The following PPP2R1B variants were observed in gnomAD, a reference collection of about 807,000 sequenced individuals.
The protein encoded by PPP2R1B is serine/threonine-protein phosphatase 2A 65 kDa regulatory subunit A beta isoform.
In PPP2R1B, 58 loss-of-function variants were observed where a neutral mutation model predicts 72.7. The ratio of observed to expected loss-of-function variants is 0.80; its 90% CI spans 0.65 to 0.99. The LOEUF is 0.99. Among genes scored for constraint, PPP2R1B ranks in the 50% least tolerant of loss-of-function variants. PPP2R1B has a pLI of 0.00. For missense variants in PPP2R1B, 695 were observed against 733.6 expected, an observed-to-expected ratio of 0.95 and a Z score of 0.61; for synonymous variants, 256 against 264.6, an observed-to-expected ratio of 0.97 and a Z score of 0.32.
At chr11:111,731,216 T>TAGGAGGAGGGGAGGC (rs1161516761) in intron 15 of PPP2R1B, among the ~76,000 whole-genome samples, 5 of 151,846 alleles carry the variant, frequency 3.3e-5, no homozygotes, top group African/African-American at 1.2e-4. Context: ...CATGCCGCGG[T>TAGGAGGAGGGGAGGC]AGGAGGAGGG....
chr11:111,723,961 A>G (rs1943887119), downstream of PPP2R1B: 1 of 1,614,074 alleles, frequency 6.2e-7, no homozygotes, highest in Non-Finnish European at 8.5e-7. Flanking sequence ...CTGTGGATGG[A>G]GCCCAGCAGA....
downstream of PPP2R1B, chr11:111,735,234 C>T (rs912119100): frequency 2.0e-5 from 3 of 152,274 alleles, no homozygotes; most frequent in African/African-American, 7.2e-5. Flanking sequence ...CAGGCAGTGT[C>T]TGTAGCCATT....
At position 111,752,335 on chromosome 11, in the gene PPP2R1B, G is replaced by GC; in HGVS notation, c.1165-4dup. 6.2e-7 allele frequency: 1 copy of GC among 1,600,154 alleles called. No homozygotes were observed. Among genetic ancestry groups the GC allele is most frequent in the Non-Finnish European group, 8.5e-7 (1 of 1,172,812 alleles). On this transcript the variant is annotated splice_region_variant and splice_polypyrimidine_tract_variant and intron_variant, in intron 9 of 14. Transcript: ENST00000527614. ...ATATTCAAACGAACGTCAGGACACT[G>GC]CAAGTACACAAGCCCCAAAAGACCA...
Position 111,742,537 on chromosome 11 carries a change from TG to T in PPP2R1B, c.1682del (p.Pro561GlnfsTer3). On this transcript the variant is annotated frameshift_variant, in exon 13 of 15. Coordinates refer to ENST00000527614, the MANE Select transcript of PPP2R1B (RefSeq NM_002716.5). LOFTEE classifies it high-confidence loss of function. Reference protein sequence around the residue: ...NVAKSLQKIGPILDTNALQGE... With the variant: ...NVAKSLQKIGXILDTNALQGE... The stretch of plus-strand genomic sequence containing the variant: ...TAAAATCTTACTTGGTATCTAGAAT[TG>T]GTCCAATCTTTTGTAGAGATTTGGC... 6.2e-7 allele frequency: 1 copy of T among 1,613,370 alleles called. No individual in the cohort carries two copies. The highest frequency in any genetic ancestry group is 8.5e-7 in the Non-Finnish European group (1 of 1,179,778).
the PPP2R1B span, among the ~76,000 whole-genome samples, chr11:111,713,781 AC>A: frequency 6.6e-6 from 1 of 152,236 alleles, no homozygotes. Flanking sequence ...AGCGTGGCCA[AC>A]ATGGCGAAAC....
the PPP2R1B span, chr11:111,712,314 C>T: frequency 6.2e-7 from 1 of 1,614,202 alleles, no homozygotes; most frequent in East Asian, 2.2e-5. Flanking sequence ...TTTTCATTTC[C>T]AGCATCTGGC....
downstream of PPP2R1B, chr11:111,723,700 G>C (rs1943873462): frequency 6.2e-7 from 1 of 1,614,060 alleles, no homozygotes; most frequent in South Asian, 1.1e-5. Context: ...CCTCCGAGCA[G>C]ATGCAATACA....
chr11:111,734,205 C>T (rs968951005), downstream of PPP2R1B, among the ~76,000 whole-genome samples: 10 of 152,306 alleles, frequency 6.6e-5, no homozygotes, highest in Non-Finnish European at 1.5e-4. Context: ...CTTGCCTGCC[C>T]CAACACTAGG....
chr11:111,716,884 C>T, the PPP2R1B span, among the ~76,000 whole-genome samples: 1 of 152,132 alleles, frequency 6.6e-6, no homozygotes, highest in Admixed American at 6.5e-5. Context: ...ATCTATCCAT[C>T]TGACAAAGGT....
chr11:111,766,069 G>C (rs572154942), intron 1 of PPP2R1B, 179 bp downstream of exon 1: 6 of 640,124 alleles, frequency 9.4e-6, no homozygotes, highest in African/African-American at 9.1e-5. Flanking sequence ...AGGTACCCGG[G>C]AGGGTCGGGG....
At chr11:111,748,889 C>T (rs1421209556) in intron 10 of PPP2R1B, among the ~76,000 whole-genome samples, 7 of 152,052 alleles carry the variant, frequency 4.6e-5, no homozygotes, top group Non-Finnish European at 8.8e-5. Context: ...CTCTATTGCC[C>T]AGGCTGGAGT....
At chr11:111,701,375 GC>G in the PPP2R1B span, 1 of 1,538,456 alleles carries the variant, frequency 6.5e-7, no homozygotes. The surrounding 1 kb of genome is among the most constrained non-coding windows in gnomAD (Gnocchi z 4.2). Flanking sequence ...GATTTCAAGA[GC>G]CCTGGGGATG....
At chr11:111,702,291 A>G in the PPP2R1B span, among the ~76,000 whole-genome samples, 2 of 152,192 alleles carry the variant, frequency 1.3e-5, no homozygotes, top group African/African-American at 4.8e-5. Flanking sequence ...GGTTTAATTA[A>G]ATTAATCTGT....
chr11:111,739,300 C>T lies in PPP2R1B; in HGVS notation c.*2296G>A. Reference sequence around the variant, plus strand: ...TTACAGAGCTCCTAAAGCCTATATTCCAGTGAAATCAAGATAGGAGAACTT... The same window carrying T: ...TTACAGAGCTCCTAAAGCCTATATTTCAGTGAAATCAAGATAGGAGAACTT... On this transcript the variant is annotated 3_prime_UTR_variant, in exon 15 of 15. Coordinates refer to ENST00000527614, the MANE Select transcript of PPP2R1B (RefSeq NM_002716.5). 4.1e-6 allele frequency: 4 copies of T among 977,308 alleles called. No homozygotes were observed. Among genetic ancestry groups the T allele is most frequent in the Non-Finnish European group, 4.9e-6 (4 of 822,858 alleles). The allele number at this position is 977,308 out of a possible 1,614,324, so 60.5% of individuals were successfully genotyped here. A position where few individuals can be genotyped will look rare whatever the true frequency, so the allele number is the denominator to read the frequency against.
Position 111,738,296 on chromosome 11 carries a change from AG to A in PPP2R1B, c.*3299del, listed in dbSNP as rs755779998. The A allele has an allele frequency of 2.3e-5, 23 of 985,400 alleles. No individual in the cohort carries two copies. The highest frequency in any genetic ancestry group is 2.7e-5 in the Non-Finnish European group (22 of 830,008). The allele number at this position is 985,400 out of a possible 1,614,324, so 61.0% of individuals were successfully genotyped here. A position where few individuals can be genotyped will look rare whatever the true frequency, so the allele number is the denominator to read the frequency against. ...CGATAAGAGTGTCACCATTTTTAAA[AG>A]TCAGAGGAATTTAAGTAAAAGGCAA... On this transcript the variant is annotated 3_prime_UTR_variant, in exon 15 of 15. Transcript: ENST00000527614.
intron 9 of PPP2R1B, 110 bp downstream of exon 9, chr11:111,753,333 A>AT (rs1289368434): frequency 5.7e-6 from 8 of 1,395,556 alleles, no homozygotes; most frequent in East Asian, 4.8e-5. Context: ...ATAAGTTATG[A>AT]TTTTTTTATC....
At chr11:111,754,603 C>T (rs782369920) in intron 7 of PPP2R1B, 34 bp from the exon 8 acceptor site, 5 of 1,585,650 alleles carry the variant, frequency 3.2e-6, no homozygotes, top group Non-Finnish European at 4.3e-6. Flanking sequence ...AATGCTTTCA[C>T]AGGGCCATTT....
rs1944467517 is a variant in PPP2R1B at position 111,740,071 on chromosome 11, TAA to T, written c.*1523_*1524del. On this transcript the variant is annotated 3_prime_UTR_variant, in exon 15 of 15. Coordinates refer to ENST00000527614, the MANE Select transcript of PPP2R1B (RefSeq NM_002716.5). ...TAAACAGAACAGGACTTGTTAGATT[TAA>T]AAGAGGTTGTGAACAAAATCAACAA... The T allele has an allele frequency of 1.0e-6, 1 of 985,246 alleles. No homozygotes were observed. The highest frequency in any genetic ancestry group is 1.7e-5 in the African/African-American group (1 of 57,212). 61.0% of individuals were successfully genotyped at this position (985,246 alleles called of 1,614,324 possible).
intron 10 of PPP2R1B, among the ~76,000 whole-genome samples, chr11:111,750,018 A>C (rs1944844285): frequency 6.6e-6 from 1 of 152,204 alleles, no homozygotes; most frequent in African/African-American, 2.4e-5. Flanking sequence ...CAGTGAAGAG[A>C]AGATGACCCA....
Sources: gnomAD v4.1 joint callset for allele counts (sites outside exome capture counted in the v4.1 genomes callset) on GRCh38, gnomAD v4.1.1 for gene constraint, Gnocchi (gnomAD v3.1) non-coding constraint, MANE v1.5 for transcripts, NCBI Gene and HGNC (gene_info 2026-07-23, HGNC 2026-07-21) for gene names.